SGCZ: variants seen among roughly 807,000 people sequenced by gnomAD.
The protein encoded by SGCZ is sarcoglycan zeta.
A neutral mutation model predicts 41.3 loss-of-function variants in SGCZ; 40 were observed. That is an observed-to-expected ratio of 0.97 (90% CI 0.75 to 1.26). The LOEUF is 1.26. SGCZ is among the 50% of genes most tolerant of loss of function. SGCZ has a pLI of 0.00. For missense variants in SGCZ, 552 were observed against 369.8 expected, an observed-to-expected ratio of 1.49 and a Z score of -4.04; for synonymous variants, 206 against 137.5, an observed-to-expected ratio of 1.50 and a Z score of -3.49.
intron 3 of SGCZ, among the ~76,000 whole-genome samples, chr8:14,272,065 A>C (rs1460923691): frequency 1.3e-5 from 2 of 152,126 alleles, no homozygotes; most frequent in African/African-American, 4.8e-5. Context: ...GTTCAGTGGC[A>C]CAATCTTGGC....
At chr8:14,758,419 G>A (rs555508358) in intron 1 of SGCZ, among the ~76,000 whole-genome samples, 9 of 151,386 alleles carry the variant, frequency 5.9e-5, no homozygotes, top group East Asian at 3.9e-4. Flanking sequence ...TAATTTCATC[G>A]TTCTTCCCTC....
At chr8:14,796,091 T>G (rs1238137103) in intron 1 of SGCZ, among the ~76,000 whole-genome samples, 1 of 152,234 alleles carries the variant, frequency 6.6e-6, no homozygotes, top group Non-Finnish European at 1.5e-5. Flanking sequence ...GCATTTAGGT[T>G]GATTCCTTGT....
chr8:15,006,958 G>A (rs1585464855), intron 1 of SGCZ, among the ~76,000 whole-genome samples: 1 of 152,096 alleles, frequency 6.6e-6, no homozygotes, highest in South Asian at 2.1e-4. Context: ...TGCATTTGAA[G>A]AAAGAAATTA....
intron 1 of SGCZ, among the ~76,000 whole-genome samples, chr8:14,663,331 C>A (rs1807814392): frequency 1.3e-5 from 2 of 152,128 alleles, no homozygotes; most frequent in South Asian, 4.1e-4. Context: ...TCTTATTTCA[C>A]CCTGGATTCC....
intron 1 of SGCZ, among the ~76,000 whole-genome samples, chr8:14,885,238 G>C (rs575655038): frequency 1.5e-4 from 23 of 152,240 alleles, no homozygotes; most frequent in African/African-American, 4.8e-4. Flanking sequence ...GAAAGACATT[G>C]AGTTTTACCT....
At chr8:14,743,810 T>G (rs535430795) in intron 1 of SGCZ, among the ~76,000 whole-genome samples, 25 of 152,074 alleles carry the variant, frequency 1.6e-4, no homozygotes, top group Non-Finnish European at 3.1e-4. Context: ...AATTCAAAAT[T>G]ATCATGCTCA....
intron 2 of SGCZ, among the ~76,000 whole-genome samples, chr8:14,476,834 T>C (rs1217796482): frequency 2.0e-5 from 3 of 152,196 alleles, no homozygotes; most frequent in Non-Finnish European, 2.9e-5. Context: ...TTGTGCTTCA[T>C]TGTCTTAGAC....
chr8:14,451,944 T>C (rs1289817191), intron 2 of SGCZ, among the ~76,000 whole-genome samples: 1 of 152,180 alleles, frequency 6.6e-6, no homozygotes, highest in East Asian at 1.9e-4. Flanking sequence ...AAACTAAACA[T>C]AGTCAGTTTA....
At chr8:14,412,537 A>G (rs1008770868) in intron 2 of SGCZ, among the ~76,000 whole-genome samples, 2 of 152,138 alleles carry the variant, frequency 1.3e-5, no homozygotes, top group African/African-American at 4.8e-5. Flanking sequence ...TTCTGTTTAA[A>G]TAATTCATCT....
chr8:14,333,949 A>C (rs1377480424), intron 2 of SGCZ, among the ~76,000 whole-genome samples: 1 of 152,126 alleles, frequency 6.6e-6, no homozygotes, highest in Non-Finnish European at 1.5e-5. Flanking sequence ...GTGACTTCCT[A>C]GCTAGTTTTA....
At position 14,087,525 on chromosome 8, in the gene SGCZ, G is replaced by A. The variant is rs910436241; in HGVS notation, c.*2918C>T. ...ACTGAGTATGAAGTTATTAAGATAC[G>A]GGTAATAAGATAGCTTAGTCGCATC... On this transcript the variant is annotated 3_prime_UTR_variant, in exon 8 of 8. Transcript: ENST00000382080. 3.3e-5 allele frequency among the ~76,000 whole-genome samples: 5 copies of A among 151,378 alleles called. No individual in the cohort carries two copies. The highest frequency in any genetic ancestry group is 3.9e-4 in the East Asian group (2 of 5,122).
intron 1 of SGCZ, among the ~76,000 whole-genome samples, chr8:14,669,747 C>T (rs1808043359): frequency 6.6e-6 from 1 of 151,476 alleles, no homozygotes; most frequent in South Asian, 2.1e-4. Flanking sequence ...TTTGTTCATT[C>T]ATTCAACAGA....
chr8:14,802,824 C>T (rs964182912), intron 1 of SGCZ, among the ~76,000 whole-genome samples: 4 of 152,120 alleles, frequency 2.6e-5, no homozygotes, highest in African/African-American at 9.7e-5. Context: ...ATAGGGTGAA[C>T]TGCAAATGGC....
chr8:14,129,660 C>G (rs1172865820), intron 5 of SGCZ, among the ~76,000 whole-genome samples: 1 of 151,616 alleles, frequency 6.6e-6, no homozygotes, highest in Non-Finnish European at 1.5e-5. Flanking sequence ...GAAGAGAAAA[C>G]TAAACACAAA....
intron 1 of SGCZ, among the ~76,000 whole-genome samples, chr8:14,778,809 A>C (rs1800493389): frequency 6.6e-6 from 1 of 152,240 alleles, no homozygotes; most frequent in Non-Finnish European, 1.5e-5. Flanking sequence ...GGATAAAGAA[A>C]GAAGATCAAC....
At chr8:14,518,209 A>T (rs1802682182) in intron 2 of SGCZ, among the ~76,000 whole-genome samples, 1 of 152,036 alleles carries the variant, frequency 6.6e-6, no homozygotes, top group Admixed American at 6.6e-5. Context: ...TTAATAAAAT[A>T]ATTACCTATT....
At chr8:14,194,975 A>T (rs1052093173) in intron 4 of SGCZ, among the ~76,000 whole-genome samples, 1 of 152,098 alleles carries the variant, frequency 6.6e-6, no homozygotes, top group Non-Finnish European at 1.5e-5. Flanking sequence ...TGTTCAACTA[A>T]CTTAATTGCA....
chr8:14,454,169 G>A (rs567728738), intron 2 of SGCZ, among the ~76,000 whole-genome samples: 112 of 152,276 alleles, frequency 7.4e-4, no homozygotes, highest in African/African-American at 2.5e-3. Flanking sequence ...GATAGTAAGA[G>A]CCAAGGTATG....
At chr8:14,276,310 C>T (rs995205266) in intron 3 of SGCZ, among the ~76,000 whole-genome samples, 3 of 152,168 alleles carry the variant, frequency 2.0e-5, no homozygotes, top group Admixed American at 1.3e-4. Context: ...CATCACGTCA[C>T]AGCTTCTTAG....
Sources: allele counts gnomAD v4.1 joint callset (sites outside exome capture counted in the v4.1 genomes callset), GRCh38; gene constraint gnomAD v4.1.1; transcripts MANE v1.5; gene names NCBI Gene and HGNC (gene_info 2026-07-23, HGNC 2026-07-21).